Variants in ADGRV1 observed in about 807,000 individuals in gnomAD.
ADGRV1 encodes adhesion G protein-coupled receptor V1.
In ADGRV1, 359 loss-of-function variants were observed where a neutral mutation model predicts 596.2. The ratio of observed to expected loss-of-function variants is 0.60; its 90% CI spans 0.55 to 0.66. ADGRV1 has a LOEUF of 0.66. Among genes scored for constraint, ADGRV1 ranks in the 30% least tolerant of loss-of-function variants. ADGRV1 has a pLI of 0.00. For synonymous variants in ADGRV1, 2,681 were observed against 2,679.2 expected (o/e 1.00, Z -0.02); for missense variants, 7,274 against 7,575.6 (o/e 0.96, Z 1.48).
chr5:90,837,081 C>T (rs1390267783), intron 77 of ADGRV1, among the ~76,000 whole-genome samples: 4 of 152,188 alleles, frequency 2.6e-5, no homozygotes, highest in East Asian at 1.9e-4. Context: ...TTCCCATGTA[C>T]GTAAGTACTG....
chr5:90,721,513 A>T (rs1202462163), intron 45 of ADGRV1, among the ~76,000 whole-genome samples: 122 of 100,036 alleles, frequency 1.2e-3, no homozygotes, highest in Admixed American at 2.9e-3. Context: ...AAAAAATAAA[A>T]TAAAATAAAA....
At chr5:90,693,322 G>A (rs1746731331) in intron 32 of ADGRV1, among the ~76,000 whole-genome samples, 2 of 151,872 alleles carry the variant, frequency 1.3e-5, no homozygotes, top group South Asian at 4.2e-4. Context: ...TATAATATTT[G>A]CATATAACCT....
Position 90,564,612 on chromosome 5 carries a change from A to T in ADGRV1, c.22+5695A>T, listed in dbSNP as rs768301574. Among the ~76,000 whole-genome samples, 36 of 77,110 alleles carry T rather than the reference A, an allele frequency of 4.7e-4. 5 individuals are homozygous for T. Among genetic ancestry groups the T allele is most frequent in the Non-Finnish European group, 7.0e-4 (29 of 41,304 alleles). The allele number at this position is 77,110 out of a possible 152,430, so 50.6% of individuals were successfully genotyped here. ...CAAAGTACACATTTCCATGGCGTTT[A>T]ATATATATATATATTTTTTTTTTTT... On this transcript the variant is annotated intron_variant, in intron 1 of 89. Coordinates refer to ENST00000405460, the MANE Select transcript of ADGRV1 (RefSeq NM_032119.4).
intron 67 of ADGRV1, among the ~76,000 whole-genome samples, chr5:90,784,618 G>C (rs1432661804): frequency 6.6e-6 from 1 of 152,112 alleles, no homozygotes; most frequent in Non-Finnish European, 1.5e-5. Context: ...GGCATAAGCT[G>C]GCATGTTTCA....
intron 83 of ADGRV1, among the ~76,000 whole-genome samples, chr5:90,929,078 TC>T (rs1774904287): frequency 1.3e-5 from 2 of 151,022 alleles, no homozygotes; most frequent in Non-Finnish European, 2.9e-5. Context: ...GTTACTGCTG[TC>T]TTTTTGTTTG....
At chr5:90,910,574 T>TCTAC (rs1772790901) in intron 83 of ADGRV1, among the ~76,000 whole-genome samples, 1 of 80,340 alleles carries the variant, frequency 1.2e-5, no homozygotes, top group Admixed American at 1.2e-4. Flanking sequence ...TATCTATCTA[T>TCTAC]CTATCTATCT....
chr5:90,982,250 T>G (rs1780136377), intron 84 of ADGRV1, among the ~76,000 whole-genome samples: 1 of 152,232 alleles, frequency 6.6e-6, no homozygotes, highest in African/African-American at 2.4e-5. Flanking sequence ...CCATAGGAAC[T>G]TAACTCTTTT....
At position 90,712,321 on chromosome 5, in the gene ADGRV1, A is replaced by C; in HGVS notation, c.9077A>C (p.Asn3026Thr). ...TTTGCTGATGGAGAAAGGTATAAAAATGTCAATATCATGATTCTTGATGAT... is the reference window on the plus strand; with the variant it reads ...TTTGCTGATGGAGAAAGGTATAAAACTGTCAATATCATGATTCTTGATGAT... ...LHFADGERYK[N>T]VNIMILDDDI... Residue 3026 changes from asparagine to threonine, a missense_variant, in exon 42 of 90, where the codon AAT becomes ACT. Around this residue, in one of 5 missense-constraint regions of ADGRV1, gnomAD observed 3,643 missense variants for 3,809.2 expected, o/e 0.96. Transcript: ENST00000405460. 1 of 1,556,188 alleles carries C rather than the reference A, an allele frequency of 6.4e-7. No individual in the cohort carries two copies. Among genetic ancestry groups the C allele is most frequent in the East Asian group, 2.3e-5 (1 of 42,678 alleles).
intron 89 of ADGRV1, among the ~76,000 whole-genome samples, chr5:91,159,031 A>G (rs1446857323): frequency 5.9e-5 from 9 of 152,226 alleles, no homozygotes; most frequent in Admixed American, 2.6e-4. Context: ...ATTCAAGCAC[A>G]TACTAAAATG....
intron 74 of ADGRV1, 45 bp from the exon 75 acceptor site, chr5:90,815,574 T>A (rs1296965799): frequency 1.2e-5 from 14 of 1,134,724 alleles, no homozygotes; most frequent in Non-Finnish European, 1.8e-5. Context: ...GGAGGTCTTT[T>A]AAATAATTCT....
intron 87 of ADGRV1, among the ~76,000 whole-genome samples, chr5:91,122,174 A>G (rs139833841): frequency 6.9e-4 from 105 of 152,310 alleles, no homozygotes; most frequent in African/African-American, 2.3e-3. Context: ...TTCAACAGCA[A>G]AAGTTGTTTA....
rs1420288881 is a variant in ADGRV1 at position 90,976,322 on chromosome 5, G to GTGTGTATATA, written c.17974-9021_17974-9020insGTGTATATAT. On this transcript the variant is annotated intron_variant, in intron 84 of 89. Coordinates refer to ENST00000405460, the MANE Select transcript of ADGRV1 (RefSeq NM_032119.4). ...TATGTGTGTGTGTGTGTGTGTGTGT[G>GTGTGTATATA]TATATATATATATATATATATATAT... Among the ~76,000 whole-genome samples the GTGTGTATATA allele has an allele frequency of 7.1e-3, 766 of 108,540 alleles. 6 individuals are homozygous for GTGTGTATATA. Among genetic ancestry groups the GTGTGTATATA allele is most frequent in the Middle Eastern group, 0.015 (3 of 200 alleles). 71.2% of individuals were successfully genotyped at this position (108,540 alleles called of 152,430 possible). A position where few individuals can be genotyped will look rare whatever the true frequency, so the allele number is the denominator to read the frequency against.
At chr5:90,628,491 A>G (rs1245677094) in intron 7 of ADGRV1, 71 bp from the exon 8 acceptor site, 21 of 1,311,174 alleles carry the variant, frequency 1.6e-5, no homozygotes, top group Non-Finnish European at 1.1e-6. Context: ...ACAACTTGAC[A>G]TTGGGAAAGC....
intron 84 of ADGRV1, among the ~76,000 whole-genome samples, chr5:90,971,640 C>T (rs74738264): frequency 1.3e-5 from 2 of 152,188 alleles, no homozygotes; most frequent in African/African-American, 4.8e-5. Flanking sequence ...CCTTTACAGA[C>T]AAGCAAATGC....
chr5:90,797,393 A>G (rs1217509271), intron 70 of ADGRV1, among the ~76,000 whole-genome samples: 1 of 152,124 alleles, frequency 6.6e-6, no homozygotes. Flanking sequence ...CCAGTACATA[A>G]TGGTAAAGGG....
At chr5:90,625,100 T>C in intron 5 of ADGRV1, 30 bp from the exon 6 acceptor site, 1 of 1,356,138 alleles carries the variant, frequency 7.4e-7, no homozygotes. Flanking sequence ...TATTTTGCAT[T>C]TATTGATGGC....
At chr5:90,604,176 TC>T (rs926772258) in intron 1 of ADGRV1, among the ~76,000 whole-genome samples, 51 of 152,066 alleles carry the variant, frequency 3.4e-4, no homozygotes, top group African/African-American at 1.1e-3. Flanking sequence ...AAATGTGAAA[TC>T]TACAAATTTT....
intron 85 of ADGRV1, among the ~76,000 whole-genome samples, chr5:91,002,634 CT>C (rs1191353680): frequency 6.6e-6 from 1 of 151,758 alleles, no homozygotes; most frequent in Admixed American, 6.6e-5. Flanking sequence ...AAATTATTAT[CT>C]TTTTTTTCTG....
chr5:90,742,008 G>A (rs1754019822), intron 50 of ADGRV1, among the ~76,000 whole-genome samples: 1 of 152,098 alleles, frequency 6.6e-6, no homozygotes, highest in South Asian at 2.1e-4. Flanking sequence ...AGACTACAAG[G>A]ACATACAAAC....
Sources: allele counts gnomAD v4.1 joint callset (sites outside exome capture counted in the v4.1 genomes callset), GRCh38; gene constraint gnomAD v4.1.1; regional missense constraint gnomAD v4.1.1; transcripts MANE v1.5; gene names NCBI Gene and HGNC (gene_info 2026-07-23, HGNC 2026-07-21).